Variants in STEEP1 observed in about 807,000 individuals in gnomAD.
STEEP1 encodes the protein STING1 ER exit protein 1, also known as STING ER exit protein.
In STEEP1, 3 loss-of-function variants were observed where a neutral mutation model predicts 19.2. That is an observed-to-expected ratio of 0.16 (90% confidence interval 0.07 to 0.40). The LOEUF (loss-of-function observed/expected upper bound fraction) is 0.40. Among genes scored for constraint, STEEP1 ranks in the 10% least tolerant of loss-of-function variants. The pLI is 0.99. For synonymous variants in STEEP1, 46 were observed against 63.7 expected (o/e 0.72, Z 1.32); for missense variants, 54 against 177.1 (o/e 0.30, Z 3.94).
intron 2 of STEEP1, among the ~76,000 whole-genome samples, chrX:119,555,894 TAAG>T (rs1204825788): frequency 9.0e-6 from 1 of 111,627 alleles, no homozygotes; most frequent in Non-Finnish European, 1.9e-5. Context: ...GGTGTCATCA[TAAG>T]AAGAAGGAAA....
intron 1 of STEEP1, among the ~76,000 whole-genome samples, chrX:119,562,733 AG>A (rs1445913817): frequency 5.5e-5 from 6 of 109,892 alleles, no homozygotes; most frequent in Non-Finnish European, 9.5e-5. Context: ...CTTACATTCT[AG>A]TGGAAGAGGC....
Position 119,563,560 on chromosome X carries a change from GA to G in STEEP1, c.124+1671del, listed in dbSNP as rs1256243774. On this transcript the variant is annotated intron_variant, in intron 1 of 6. Transcript: ENST00000644802. ...CGAAACTCCATCTCAAAAAAAAAAA[GA>G]AAAAAAAAAAAACTAGCCGGGCCTG... 2.4e-4 allele frequency among the ~76,000 whole-genome samples: 19 copies of G among 79,442 alleles called. No individual in the cohort carries two copies. The South Asian group carries it at 3.2e-3, about 13-fold the overall frequency. The allele number at this position is 79,442 out of a possible 115,157, so 69.0% of individuals were successfully genotyped here.
chrX:119,553,077 C>G (rs978781452), intron 2 of STEEP1, among the ~76,000 whole-genome samples: 1 of 106,900 alleles, frequency 9.4e-6, no homozygotes, highest in African/African-American at 3.4e-5. Flanking sequence ...TTACTTGAAC[C>G]TGGGAGGCGG....
intron 1 of STEEP1, among the ~76,000 whole-genome samples, chrX:119,563,490 G>C (rs752479268): frequency 1.5e-4 from 16 of 108,023 alleles, no homozygotes; most frequent in Non-Finnish European, 3.1e-4. Context: ...GGAAGTTGCA[G>C]TGAGCCGAGA....
At chrX:119,553,203 G>C (rs185220696) in intron 2 of STEEP1, among the ~76,000 whole-genome samples, 110 of 87,603 alleles carry the variant, frequency 1.3e-3, no homozygotes, top group African/African-American at 4.2e-3. Context: ...GGGTAAAGCT[G>C]AGGCATTCGC....
chrX:119,545,330 G>C (rs1333039510), intron 3 of STEEP1, 133 bp downstream of exon 3: 32 of 412,963 alleles, frequency 7.7e-5, no homozygotes, highest in Middle Eastern at 5.6e-4. Flanking sequence ...TCCAGCCTGG[G>C]CGACAGAGCA....
At chrX:119,564,618 C>G (rs756490815) in intron 1 of STEEP1, among the ~76,000 whole-genome samples, 30 of 111,180 alleles carry the variant, frequency 2.7e-4, no homozygotes, top group African/African-American at 9.5e-4. Flanking sequence ...ATGCCACTGA[C>G]AGAATTAAAA....
At chrX:119,563,706 T>C (rs762074647) in intron 1 of STEEP1, among the ~76,000 whole-genome samples, 1 of 111,259 alleles carries the variant, frequency 9.0e-6, no homozygotes, top group African/African-American at 3.3e-5. Context: ...TGAGACTCCC[T>C]CTGTCTCAAA....
In STEEP1 at chrX:119,539,551, G is replaced by T; in HGVS notation, c.*176C>A. 93 of 298,338 alleles carry T rather than the reference G, an allele frequency of 3.1e-4. No homozygotes were observed. Among genetic ancestry groups the T allele is most frequent in the Non-Finnish European group, 3.5e-4 (60 of 171,973 alleles). The allele number at this position is 298,338 out of a possible 1,213,427, so 24.6% of individuals were successfully genotyped here. A position where few individuals can be genotyped will look rare whatever the true frequency, so the allele number is the denominator to read the frequency against. On this transcript the variant is annotated 3_prime_UTR_variant, in exon 7 of 7. Coordinates refer to ENST00000644802, the MANE Select transcript of STEEP1 (RefSeq NM_022101.4). ...ATCTCAAAAAAAAAAAAAAAAAAAA[G>T]AAAGCAAGTTAAATGGACTCAGTTA...
chrX:119,565,398 T>G lies in STEEP1; in HGVS notation c.-43A>C. On this transcript the variant is annotated 5_prime_UTR_variant, in exon 1 of 7. Coordinates refer to ENST00000644802, the MANE Select transcript of STEEP1 (RefSeq NM_022101.4). ...TGAAAACTCTACGCCAAGAAGAGGG[T>G]CGCCCCGAAATGACGTCACGAGTGC... The G allele has an allele frequency of 9.3e-7, 1 of 1,076,929 alleles. No individual in the cohort carries two copies. The highest frequency in any genetic ancestry group is 2.0e-5 in the South Asian group (1 of 50,058). The allele number at this position is 1,076,929 out of a possible 1,213,427, so 88.8% of individuals were successfully genotyped here.
chrX:119,559,216 C>CA (rs767261970), intron 2 of STEEP1, among the ~76,000 whole-genome samples: 1,019 of 101,015 alleles, frequency 0.01, 18 homozygotes, highest in African/African-American at 0.035. Context: ...GAAACTCCGT[C>CA]AAAAAAAAAA....
intron 6 of STEEP1, among the ~76,000 whole-genome samples, chrX:119,540,361 T>C (rs1200639419): frequency 8.9e-6 from 1 of 111,735 alleles, no homozygotes. Flanking sequence ...CTGGTCTTTC[T>C]GCCTTTGAAA....
chrX:119,565,147 C>G (rs1023217193), intron 1 of STEEP1, 85 bp downstream of exon 1: 121 of 1,119,470 alleles, frequency 1.1e-4, no homozygotes, highest in Non-Finnish European at 1.3e-4. Flanking sequence ...AGAAGTGGCT[C>G]CCAGATCACA....
chrX:119,563,265 T>C (rs2053333139), intron 1 of STEEP1, among the ~76,000 whole-genome samples: 1 of 110,444 alleles, frequency 9.1e-6, no homozygotes, highest in Non-Finnish European at 1.9e-5. Flanking sequence ...GTGGAGGTGG[T>C]AGGCCGGCCG....
chrX:119,545,786 G>A (rs756090095), intron 2 of STEEP1, among the ~76,000 whole-genome samples: 24 of 109,843 alleles, frequency 2.2e-4, no homozygotes, highest in African/African-American at 6.0e-4. Flanking sequence ...TCAGCTACTC[G>A]GGAGGCTGAG....
chrX:119,542,055 C>CTTTTTTTATTTTTTTTTTT (rs2053165645), intron 5 of STEEP1, among the ~76,000 whole-genome samples: 1 of 82,908 alleles, frequency 1.2e-5, no homozygotes, highest in Admixed American at 1.4e-4. Flanking sequence ...CTTTTCTTTT[C>CTTTTTTTATTTTTTTTTTT]TTTTTTTTTT....
intron 6 of STEEP1, 124 bp downstream of exon 6, chrX:119,541,204 C>T (rs1279291022): frequency 2.0e-6 from 1 of 492,329 alleles, no homozygotes; most frequent in African/African-American, 2.3e-5. Context: ...ATAAAACTGG[C>T]AGCCAACTAC....
chrX:119,560,232 T>C (rs1335728147), intron 2 of STEEP1, 36 bp downstream of exon 2: 1 of 974,557 alleles, frequency 1.0e-6, no homozygotes, highest in Admixed American at 2.2e-5. Context: ...TCCAACACAA[T>C]AGGGAAATCC....
At chrX:119,557,920 T>G (rs1360848881) in intron 2 of STEEP1, among the ~76,000 whole-genome samples, 1 of 110,839 alleles carries the variant, frequency 9.0e-6, no homozygotes, top group African/African-American at 3.3e-5. Context: ...TTTTTTTTTA[T>G]TTTTTGAGAC....
Sources: allele counts gnomAD v4.1 joint callset (sites outside exome capture counted in the v4.1 genomes callset), GRCh38; gene constraint gnomAD v4.1.1; transcripts MANE v1.5; gene names NCBI Gene and HGNC (gene_info 2026-07-23, HGNC 2026-07-21).